The following ATAD1 variants were observed in gnomAD, a reference collection of about 807,000 sequenced individuals.
ATAD1 encodes outer mitochondrial transmembrane helix translocase.
A neutral mutation model predicts 42.7 loss-of-function variants in ATAD1; 18 were observed. The observed-to-expected ratio is 0.42, with a 90% confidence interval of 0.29 to 0.63. The LOEUF (loss-of-function observed/expected upper bound fraction) is 0.63, where lower values mean the gene tolerates loss of function less well. Ranked by LOEUF, ATAD1 falls within the 20% of genes least tolerant of loss-of-function variation. The pLI, the probability that ATAD1 is intolerant of heterozygous loss-of-function variation, is 0.19. For synonymous variants in ATAD1, 132 were observed against 143.1 expected (o/e 0.92, Z 0.55); for missense variants, 294 against 440.4 (o/e 0.67, Z 2.98).
rs898162396 is a variant in ATAD1, at chr10:87,771,226, T to C, written c.691-185A>G. On this transcript the variant is annotated intron_variant, in intron 6 of 9. Transcript: ENST00000680024. Reference sequence around the variant, plus strand: ...TAAATTGAAGTTAATCCTAAATAAATCAAATATTAGCAAAACTGGAAAACT... The same window carrying C: ...TAAATTGAAGTTAATCCTAAATAAACCAAATATTAGCAAAACTGGAAAACT... 3.3e-5 allele frequency among the ~76,000 whole-genome samples: 5 copies of C among 152,140 alleles called. No homozygotes were observed. The East Asian group carries it at 9.6e-4, about 29-fold the overall frequency.
intron 8 of ATAD1, among the ~76,000 whole-genome samples, chr10:87,761,261 C>T (rs568123192): frequency 1.3e-5 from 2 of 152,194 alleles, no homozygotes; most frequent in Non-Finnish European, 2.9e-5. Context: ...TGGGAAATGA[C>T]GAGATGTTCT....
At chr10:87,828,843 A>G (rs1003278132) in intron 1 of ATAD1, among the ~76,000 whole-genome samples, 3 of 152,196 alleles carry the variant, frequency 2.0e-5, no homozygotes, top group African/African-American at 7.2e-5. Context: ...GTTACTCTGT[A>G]TCTACTCTGC....
intron 7 of ATAD1, among the ~76,000 whole-genome samples, chr10:87,770,128 C>T (rs1038182696): frequency 2.0e-5 from 3 of 152,138 alleles, no homozygotes; most frequent in African/African-American, 7.2e-5. Context: ...AACCATCAAT[C>T]TTTCAGAGAT....
At chr10:87,829,471 G>A (rs192256360) in intron 1 of ATAD1, among the ~76,000 whole-genome samples, 7 of 152,128 alleles carry the variant, frequency 4.6e-5, no homozygotes, top group South Asian at 2.1e-4. Flanking sequence ...GGCCAGGATG[G>A]TCTTGATCTC....
chr10:87,759,165 CACAT>C (rs1355846766), intron 8 of ATAD1, among the ~76,000 whole-genome samples: 1 of 151,930 alleles, frequency 6.6e-6, no homozygotes, highest in East Asian at 1.9e-4. Context: ...AAGAAACAGA[CACAT>C]ACAAGGATCT....
intron 6 of ATAD1, among the ~76,000 whole-genome samples, chr10:87,772,223 T>TCTG (rs1855078011): frequency 6.6e-6 from 1 of 152,038 alleles, no homozygotes; most frequent in Non-Finnish European, 1.5e-5. Flanking sequence ...CTTTCTTTTT[T>TCTG]TTTTTGAAGA....
At chr10:87,821,759 A>G (rs1159095842), upstream of ATAD1, among the ~76,000 whole-genome samples, 1 of 152,222 alleles carries the variant, frequency 6.6e-6, no homozygotes, top group Non-Finnish European at 1.5e-5. Flanking sequence ...CAGACAGAGT[A>G]TATGCCAGTA....
At chr10:87,794,815 AT>A (rs1856302797) in intron 2 of ATAD1, among the ~76,000 whole-genome samples, 1 of 152,140 alleles carries the variant, frequency 6.6e-6, no homozygotes. Context: ...AACTTCCTAA[AT>A]AAAAAATGAC....
intron 5 of ATAD1, among the ~76,000 whole-genome samples, chr10:87,782,574 G>T (rs1038569998): frequency 1.3e-5 from 2 of 152,172 alleles, no homozygotes; most frequent in Non-Finnish European, 2.9e-5. Flanking sequence ...GGAAGGTAGA[G>T]ATTACCCTTG....
At chr10:87,771,094 G>T in intron 6 of ATAD1, 53 bp from the exon 7 acceptor site, 1 of 1,382,186 alleles carries the variant, frequency 7.2e-7, no homozygotes, top group Non-Finnish European at 1.0e-6. Flanking sequence ...ATACTCCTCT[G>T]AGAATGTTAT....
chr10:87,789,287 A>G (rs766593668), intron 4 of ATAD1, among the ~76,000 whole-genome samples: 2 of 152,224 alleles, frequency 1.3e-5, no homozygotes, highest in Non-Finnish European at 2.9e-5. Flanking sequence ...AATGCATTAG[A>G]TAAGAGTTTC....
rs1391181375 is a variant in ATAD1, at chr10:87,770,989, A to C, written c.743T>G (p.Met248Arg). The change falls in exon 7 of 10, where the codon ATG becomes AGG. Residue 248 changes from methionine to arginine, a missense_variant. By Grantham distance (91) the Met-to-Arg change is moderately conservative (BLOSUM62 -1). Transcript: ENST00000680024. ...ATGAAATCTTGTAGGCATTCTTCTC[A>C]TTATAGCCGAGTCAAGGTCCTGAGG... ...NRPQDLDSAI[M>R]RRMPTRFHIN... 1 of 1,613,606 alleles carries C rather than the reference A, an allele frequency of 6.2e-7. No homozygotes were observed. Among genetic ancestry groups the C allele is most frequent in the Non-Finnish European group, 8.5e-7 (1 of 1,179,706 alleles).
In ATAD1 at chr10:87,753,470, C is replaced by T. The variant is rs780455136; in HGVS notation, c.*1217G>A. On this transcript the variant is annotated 3_prime_UTR_variant, in exon 10 of 10. Transcript: ENST00000680024. Reference sequence around the variant, plus strand: ...AAGGCACCTCAAGATTGTGTTGTGCCGTTTTCCTCATGCTGCGTGGTTAGG... The same window carrying T: ...AAGGCACCTCAAGATTGTGTTGTGCTGTTTTCCTCATGCTGCGTGGTTAGG... 5 of 151,960 alleles carry T rather than the reference C, an allele frequency of 3.3e-5. No homozygotes were observed. Among genetic ancestry groups the T allele is most frequent in the Non-Finnish European group, 5.9e-5 (4 of 67,970 alleles). The allele number at this position is 151,960 out of a possible 1,614,324, so 9.4% of individuals were successfully genotyped here. A position where few individuals can be genotyped will look rare whatever the true frequency, so the allele number is the denominator to read the frequency against.
At chr10:87,764,216 A>AT (rs1854628566) in intron 8 of ATAD1, among the ~76,000 whole-genome samples, 1 of 151,990 alleles carries the variant, frequency 6.6e-6, no homozygotes. Flanking sequence ...TCCCACTGCT[A>AT]TGGGAGACCG....
chr10:87,816,681 G>A (rs900112222), intron 1 of ATAD1, among the ~76,000 whole-genome samples: 1 of 151,946 alleles, frequency 6.6e-6, no homozygotes, highest in African/African-American at 2.4e-5. Flanking sequence ...AAAAAAAACG[G>A]GTTACACAAT....
chr10:87,792,889 C>A, intron 2 of ATAD1, 134 bp from the exon 3 acceptor site: 1 of 674,386 alleles, frequency 1.5e-6, no homozygotes, highest in Non-Finnish European at 2.5e-6. Flanking sequence ...TTCTAGGCCC[C>A]TTGATCTTAG....
In ATAD1 at chr10:87,816,664, G is replaced by A. The variant is rs139702214; in HGVS notation, c.-14+1503C>T. On this transcript the variant is annotated intron_variant, in intron 1 of 9. Transcript: ENST00000680024. ...AAAGTGTGCTATCTTCCATCAGCAT[G>A]GATTCCAAAAAAAACGGGTTACACA... is the stretch of plus-strand genomic sequence containing the variant. Among the ~76,000 whole-genome samples the A allele has an allele frequency of 5.2e-3, 784 of 152,024 alleles. 9 individuals are homozygous for A. Among genetic ancestry groups the A allele is most frequent in the African/African-American group, 0.018 (759 of 41,506 alleles).
chr10:87,800,504 T>C lies in ATAD1; in HGVS notation c.163-7749A>G, dbSNP rs138186018. 3.9e-3 allele frequency among the ~76,000 whole-genome samples: 589 copies of C among 152,298 alleles called. 6 individuals are homozygous for C. Among genetic ancestry groups the C allele is most frequent in the African/African-American group, 0.014 (566 of 41,554 alleles). On this transcript the variant is annotated intron_variant, in intron 2 of 9. Coordinates refer to ENST00000680024, the MANE Select transcript of ATAD1 (RefSeq NM_001321967.2). ...CATAATATTCTGGCAGTGCAGGTCT[T>C]TTCTGTTGCCTTTTAGTAACTGGTC...
intron 2 of ATAD1, among the ~76,000 whole-genome samples, chr10:87,801,272 T>C (rs1166921389): frequency 6.6e-6 from 1 of 152,240 alleles, no homozygotes; most frequent in African/African-American, 2.4e-5. Context: ...ACCTGTAGTA[T>C]GAAGTTTTTT....
Sources: gnomAD v4.1 joint callset for allele counts (sites outside exome capture counted in the v4.1 genomes callset) on GRCh38, gnomAD v4.1.1 for gene constraint, MANE v1.5 for transcripts, NCBI Gene and HGNC (gene_info 2026-07-23, HGNC 2026-07-21) for gene names.